Variants in TGFBR3 observed in about 807,000 individuals in gnomAD.
TGFBR3 encodes transforming growth factor beta receptor 3, also known as transforming growth factor beta receptor type 3.
TGFBR3 carries 46 observed loss-of-function variants against 87.9 expected under a neutral mutation model. That is an observed-to-expected ratio of 0.52 (90% CI 0.41 to 0.67). TGFBR3 has a LOEUF of 0.67. TGFBR3 is among the 30% of genes least tolerant of loss of function. The probability of loss-of-function intolerance (pLI) is 0.00; values close to 1 mark genes in which losing one functional copy is unlikely to be tolerated. For synonymous variants in TGFBR3, 381 were observed against 391.6 expected (o/e 0.97, Z 0.32); for missense variants, 866 against 1,041.9 (o/e 0.83, Z 2.32).
chr1:91,729,035 C>CACAT (rs1672652028), intron 6 of TGFBR3, among the ~76,000 whole-genome samples: 1 of 9,606 alleles, frequency 1.0e-4, no homozygotes, highest in Admixed American at 1.0e-3. Flanking sequence ...CTCCAGCATA[C>CACAT]ACACACACAC....
chr1:91,771,456 G>A (rs1674373863), intron 3 of TGFBR3, among the ~76,000 whole-genome samples: 1 of 152,060 alleles, frequency 6.6e-6, no homozygotes, highest in Non-Finnish European at 1.5e-5. Flanking sequence ...TGTAATCCCA[G>A]CACTTTGGAA....
chr1:91,790,500 G>T (rs919593495), intron 3 of TGFBR3, among the ~76,000 whole-genome samples: 1 of 152,172 alleles, frequency 6.6e-6, no homozygotes, highest in Non-Finnish European at 1.5e-5. Context: ...AAAACTAAAT[G>T]ACCATTTCAG....
intron 3 of TGFBR3, among the ~76,000 whole-genome samples, chr1:91,794,722 C>T (rs1675312431): frequency 6.6e-6 from 1 of 152,098 alleles, no homozygotes; most frequent in Non-Finnish European, 1.5e-5. Flanking sequence ...TATCAGTATG[C>T]CATCCTTTTT....
intron 8 of TGFBR3, among the ~76,000 whole-genome samples, chr1:91,720,625 A>G (rs1221333253): frequency 6.6e-6 from 1 of 152,346 alleles, no homozygotes; most frequent in East Asian, 1.9e-4. Flanking sequence ...AATCATTAAT[A>G]TGTTTTAGTC....
rs181607268 is a variant in TGFBR3 at position 91,821,953 on chromosome 1, A to C, written c.62-24482T>G. Among the ~76,000 whole-genome samples, 452 of 152,318 alleles carry C rather than the reference A, an allele frequency of 3.0e-3. 2 individuals carry two copies. Among genetic ancestry groups the C allele is most frequent in the Admixed American group, 8.9e-3 (136 of 15,300 alleles). ...CTCCTCTGTAAAGGGAGGGCCTATC[A>C]TTTGATTATTTTGAAAGTTCCCAGC... On this transcript the variant is annotated intron_variant, in intron 2 of 16. Transcript: ENST00000212355.
intron 3 of TGFBR3, 67 bp from the exon 4 acceptor site, chr1:91,758,817 C>T: frequency 2.5e-6 from 4 of 1,604,024 alleles, no homozygotes; most frequent in Non-Finnish European, 3.4e-6. Flanking sequence ...CTCAGAGCAG[C>T]CTCTGGAATA....
intron 14 of TGFBR3, among the ~76,000 whole-genome samples, chr1:91,699,263 G>A (rs1047802844): frequency 5.9e-5 from 9 of 151,864 alleles, no homozygotes; most frequent in Admixed American, 5.9e-4. Context: ...CTCCTCCCCA[G>A]ACCTGCTTTG....
chr1:91,850,707 G>A (rs1041487417), intron 2 of TGFBR3, among the ~76,000 whole-genome samples: 55 of 151,618 alleles, frequency 3.6e-4, no homozygotes, highest in African/African-American at 1.3e-3. Flanking sequence ...CTTGAGCCTG[G>A]GAGGTTGAGG....
intron 3 of TGFBR3, among the ~76,000 whole-genome samples, chr1:91,778,175 A>G (rs998756021): frequency 4.7e-5 from 7 of 150,468 alleles, no homozygotes; most frequent in Admixed American, 1.3e-4. Flanking sequence ...AAAAAAAAAA[A>G]CACACATAAG....
chr1:91,701,770 T>C (rs1053708243), intron 14 of TGFBR3, among the ~76,000 whole-genome samples: 1 of 152,152 alleles, frequency 6.6e-6, no homozygotes, highest in Non-Finnish European at 1.5e-5. Context: ...GGTACCCACA[T>C]CTATTGGCAT....
At chr1:91,899,830 A>G (rs1679652613) in intron 1 of TGFBR3, 1 of 152,170 alleles carries the variant, frequency 6.6e-6, no homozygotes, top group Non-Finnish European at 1.5e-5. Context: ...GGGCACTTGT[A>G]GTCACAGCTA....
intron 14 of TGFBR3, among the ~76,000 whole-genome samples, chr1:91,707,736 G>T (rs906731958): frequency 2.0e-5 from 3 of 152,172 alleles, no homozygotes; most frequent in African/African-American, 7.2e-5. Context: ...CCTTCTCTCA[G>T]TTTGACACCC....
chr1:91,707,952 G>C (rs1027731416), intron 14 of TGFBR3, among the ~76,000 whole-genome samples: 5 of 152,202 alleles, frequency 3.3e-5, no homozygotes, highest in African/African-American at 7.2e-5. Flanking sequence ...TTAGGGCCCA[G>C]TTCTGCCTCT....
chr1:91,775,959 G>A lies in TGFBR3; in HGVS notation c.247-17209C>T, dbSNP rs114228499. ...TTCCAAGCTATTCAGCAATATTTTGGCACAGGTAATCCAGTAAGAGAATTG... is the reference window on the plus strand; with the variant it reads ...TTCCAAGCTATTCAGCAATATTTTGACACAGGTAATCCAGTAAGAGAATTG... On this transcript the variant is annotated intron_variant, in intron 3 of 16. Transcript: ENST00000212355. Among the ~76,000 whole-genome samples, 607 of 152,272 alleles carry A rather than the reference G, an allele frequency of 4.0e-3. 4 individuals are homozygous for A. Among genetic ancestry groups the A allele is most frequent in the African/African-American group, 0.014 (590 of 41,546 alleles).
At chr1:91,901,942 G>GC (rs565739347) in intron 1 of TGFBR3, among the ~76,000 whole-genome samples, 2 of 121,986 alleles carry the variant, frequency 1.6e-5, no homozygotes, top group African/African-American at 6.4e-5. Context: ...CCCACCAAAA[G>GC]AAAAAAAAAA....
chr1:91,719,966 C>T lies in TGFBR3; in HGVS notation c.1340G>A (p.Ser447Asn). 1 of 1,614,226 alleles carries T rather than the reference C, an allele frequency of 6.2e-7. No individual in the cohort carries two copies. Among genetic ancestry groups the T allele is most frequent in the Non-Finnish European group, 8.5e-7 (1 of 1,180,044 alleles). Residue 447 changes from serine to asparagine, a missense_variant, in exon 9 of 17, where the codon AGC (serine) becomes AAC (asparagine). Transcript: ENST00000212355. ...GLREPEEVQG[S>N]VDIALSVKCD... is the part of the protein sequence containing the mutation. ...TTTGACAGACAGGGCAATATCCACG[C>T]TCCCTTGCACCTCTTCTGGCTCTCT...
chr1:91,790,972 G>A (rs1268122947), intron 3 of TGFBR3, among the ~76,000 whole-genome samples: 1 of 152,140 alleles, frequency 6.6e-6, no homozygotes, highest in Non-Finnish European at 1.5e-5. Context: ...AGGTGTTCGT[G>A]TATTAATATT....
chr1:91,835,827 CAAAA>C (rs57326419), intron 2 of TGFBR3, among the ~76,000 whole-genome samples: 7 of 74,738 alleles, frequency 9.4e-5, no homozygotes, highest in African/African-American at 2.9e-4. Flanking sequence ...GACTCCACCT[CAAAA>C]AAAAAAAAAA....
chr1:91,822,454 T>C lies in TGFBR3; in HGVS notation c.62-24983A>G, dbSNP rs922951089. Among the ~76,000 whole-genome samples, 8 of 152,190 alleles carry C rather than the reference T, an allele frequency of 5.3e-5. No individual in the cohort carries two copies. The South Asian group carries it at 1.7e-3, about 32-fold the overall frequency. On this transcript the variant is annotated intron_variant, in intron 2 of 16. Transcript: ENST00000212355. ...AATATCTCAGCACATCTAATCTATT[T>C]TGGGGGCTCAGTTGAAACCCCATCT... is the stretch of plus-strand genomic sequence containing the variant.
Sources: allele counts gnomAD v4.1 joint callset (sites outside exome capture counted in the v4.1 genomes callset), GRCh38; gene constraint gnomAD v4.1.1; transcripts MANE v1.5; gene names NCBI Gene and HGNC (gene_info 2026-07-23, HGNC 2026-07-21).